Variants in PRICKLE1 observed in about 807,000 individuals in gnomAD.
PRICKLE1 encodes prickle planar cell polarity protein 1, also known as prickle-like protein 1.
A neutral mutation model predicts 70.2 loss-of-function variants in PRICKLE1; 14 were observed. The observed-to-expected ratio is 0.20, with a 90% confidence interval of 0.13 to 0.31. The LOEUF (loss-of-function observed/expected upper bound fraction) is 0.31, where lower values mean the gene tolerates loss of function less well. Ranked by LOEUF, PRICKLE1 falls within the 10% of genes least tolerant of loss-of-function variation. The pLI, the probability that PRICKLE1 is intolerant of heterozygous loss-of-function variation, is 1.00. For missense variants in PRICKLE1, 821 were observed against 1,026.2 expected, an observed-to-expected ratio of 0.80 and a Z score of 2.73; for synonymous variants, 357 against 379.9, an observed-to-expected ratio of 0.94 and a Z score of 0.70.
At chr12:42,480,470 TCTC>T (rs1404822171) in intron 1 of PRICKLE1, among the ~76,000 whole-genome samples, 4 of 152,300 alleles carry the variant, frequency 2.6e-5, no homozygotes, top group Admixed American at 2.0e-4. Flanking sequence ...CTTAAGGACT[TCTC>T]CTATAAGCAC....
At chr12:42,465,438 A>G in intron 6 of PRICKLE1, 180 bp from the exon 7 acceptor site, 1 of 623,102 alleles carries the variant, frequency 1.6e-6, no homozygotes, top group South Asian at 2.1e-5. Context: ...CTACTCATAA[A>G]AATTTATTCA....
intron 1 of PRICKLE1, among the ~76,000 whole-genome samples, chr12:42,587,652 G>T (rs943403959): frequency 3.3e-5 from 5 of 152,174 alleles, no homozygotes; most frequent in Admixed American, 2.0e-4. Flanking sequence ...GCTGTATTTT[G>T]CTTTCTTCAG....
intron 1 of PRICKLE1, chr12:42,584,250 T>C (rs912519616): frequency 3.7e-4 from 56 of 151,688 alleles, no homozygotes; most frequent in African/African-American, 1.3e-3. Context: ...AATAGAGGAA[T>C]CTGGGAAAAA....
At chr12:42,518,568 AGT>A (rs1287203795) in intron 1 of PRICKLE1, among the ~76,000 whole-genome samples, 1 of 152,218 alleles carries the variant, frequency 6.6e-6, no homozygotes, top group African/African-American at 2.4e-5. Flanking sequence ...TAAATTTGAA[AGT>A]GTTAAAAATA....
At chr12:42,584,930 A>G (rs1940963045) in intron 1 of PRICKLE1, among the ~76,000 whole-genome samples, 1 of 152,214 alleles carries the variant, frequency 6.6e-6, no homozygotes, top group Non-Finnish European at 1.5e-5. Flanking sequence ...AGCACACGCA[A>G]AGCAGAAGCT....
intron 1 of PRICKLE1, among the ~76,000 whole-genome samples, chr12:42,587,733 G>A (rs558913431): frequency 6.6e-6 from 1 of 152,352 alleles, no homozygotes; most frequent in South Asian, 2.1e-4. Flanking sequence ...GGACCACATT[G>A]GAGGCAAACT....
In PRICKLE1 at chr12:42,459,639, A is replaced by C. The variant is rs1466723783; in HGVS notation, c.*170T>G. On this transcript the variant is annotated 3_prime_UTR_variant, in exon 8 of 8. Coordinates refer to ENST00000345127, the MANE Select transcript of PRICKLE1 (RefSeq NM_153026.3). ...CATCCAAAGAGGGTAAATTGGAGAA[A>C]TCACACCTTTCAAATGTTAATCTGA... 5 of 832,392 alleles carry C rather than the reference A, an allele frequency of 6.0e-6. No homozygotes were observed. The highest frequency in any genetic ancestry group is 7.8e-6 in the Non-Finnish European group (4 of 514,438). The allele number at this position is 832,392 out of a possible 1,614,324, so 51.6% of individuals were successfully genotyped here.
intron 1 of PRICKLE1, among the ~76,000 whole-genome samples, chr12:42,578,348 C>T (rs1376484561): frequency 2.6e-5 from 4 of 152,088 alleles, no homozygotes; most frequent in Non-Finnish European, 4.4e-5. Flanking sequence ...ACATACATGG[C>T]AACATCACAA....
At position 42,464,276 on chromosome 12, in the gene PRICKLE1, C is replaced by G. The variant is rs1937985808; in HGVS notation, c.1639+119G>C. On this transcript the variant is annotated intron_variant, in intron 7 of 7. Coordinates refer to ENST00000345127, the MANE Select transcript of PRICKLE1 (RefSeq NM_153026.3). The surrounding 1 kb of genome is among the most constrained non-coding windows in gnomAD (Gnocchi z 4.2). ...CCTCAAATGATCTGCCCACCTCAGCCTCCCATAGTGCTGGAATTATAGGCA... is the reference window on the plus strand; with the variant it reads ...CCTCAAATGATCTGCCCACCTCAGCGTCCCATAGTGCTGGAATTATAGGCA... 7 of 1,263,384 alleles carry G rather than the reference C, an allele frequency of 5.5e-6. No homozygotes were observed. In the South Asian group the frequency reaches 8.4e-5, roughly 15 times the overall value. 78.3% of individuals were successfully genotyped at this position (1,263,384 alleles called of 1,614,324 possible).
intron 1 of PRICKLE1, among the ~76,000 whole-genome samples, chr12:42,563,244 C>T (rs1006933025): frequency 6.6e-6 from 1 of 151,912 alleles, no homozygotes; most frequent in Non-Finnish European, 1.5e-5. Flanking sequence ...AGCTAACTGA[C>T]TGCCACAAAC....
At chr12:42,537,450 C>T (rs998413755) in intron 1 of PRICKLE1, among the ~76,000 whole-genome samples, 5 of 152,308 alleles carry the variant, frequency 3.3e-5, no homozygotes, top group Admixed American at 6.5e-5. Flanking sequence ...TAGGCATGAG[C>T]CACCATGCCT....
chr12:42,501,365 C>T (rs1490519612), intron 1 of PRICKLE1, among the ~76,000 whole-genome samples: 2 of 151,954 alleles, frequency 1.3e-5, no homozygotes, highest in Non-Finnish European at 2.9e-5. Context: ...CAAAAATTAG[C>T]TGGGCATGGA....
chr12:42,524,573 G>A lies in PRICKLE1; in HGVS notation c.-48-52009C>T, dbSNP rs142932643. ...ATTACAGGTGCCTGCCACCGCACCC[G>A]GCTAATTTTTGTATTTTTAGTAGAG... On this transcript the variant is annotated intron_variant, in intron 1 of 7. Transcript: ENST00000345127. 9.8e-3 allele frequency among the ~76,000 whole-genome samples: 1,495 copies of A among 152,012 alleles called. 24 individuals are homozygous for A. The highest frequency in any genetic ancestry group is 0.034 in the African/African-American group (1,410 of 41,446).
chr12:42,469,385 C>T lies in PRICKLE1; in HGVS notation c.384+65G>A, dbSNP rs1290851564. ...ACACCTCTGCTAGTCCAGTCACCTA[C>T]CCCCGACTGTCCACCCCATCCACAT... On this transcript the variant is annotated intron_variant, in intron 4 of 7. Coordinates refer to ENST00000345127, the MANE Select transcript of PRICKLE1 (RefSeq NM_153026.3). 1.6e-5 allele frequency: 26 copies of T among 1,597,796 alleles called. No individual in the cohort carries two copies. The East Asian group carries it at 2.5e-4, about 15-fold the overall frequency.
chr12:42,479,969 T>A (rs1021776118), intron 1 of PRICKLE1, among the ~76,000 whole-genome samples: 6 of 151,696 alleles, frequency 4.0e-5, no homozygotes, highest in Non-Finnish European at 5.9e-5. Flanking sequence ...AAAAAAAAAA[T>A]TCCATTATTC....
chr12:42,528,770 G>T (rs1340100544), intron 1 of PRICKLE1, among the ~76,000 whole-genome samples: 2 of 152,134 alleles, frequency 1.3e-5, no homozygotes, highest in Non-Finnish European at 2.9e-5. Flanking sequence ...AATATCCACT[G>T]ACTGAATGAA....
At chr12:42,534,111 CAA>C in intron 1 of PRICKLE1, among the ~76,000 whole-genome samples, 1 of 151,910 alleles carries the variant, frequency 6.6e-6, no homozygotes, top group Non-Finnish European at 1.5e-5. Context: ...TAGAAGCACT[CAA>C]AAACATGTAG....
intron 1 of PRICKLE1, among the ~76,000 whole-genome samples, chr12:42,575,225 C>T (rs1940784662): frequency 6.6e-6 from 1 of 151,920 alleles, no homozygotes; most frequent in African/African-American, 2.4e-5. Flanking sequence ...CAGGTAAATG[C>T]CATATTTATG....
intron 1 of PRICKLE1, among the ~76,000 whole-genome samples, chr12:42,559,633 T>TTTTTTGGGGGGGG (rs1940470043): frequency 1.8e-5 from 2 of 109,548 alleles, no homozygotes; most frequent in Non-Finnish European, 3.6e-5. Flanking sequence ...TATTTTTTTT[T>TTTTTTGGGGGGGG]TTTGGGGGGG....
Sources: allele counts gnomAD v4.1 joint callset (sites outside exome capture counted in the v4.1 genomes callset), GRCh38; gene constraint gnomAD v4.1.1; non-coding constraint Gnocchi (gnomAD v3.1); transcripts MANE v1.5; gene names NCBI Gene and HGNC (gene_info 2026-07-23, HGNC 2026-07-21).